SLC7A14: variants seen among roughly 807,000 people sequenced by gnomAD.
SLC7A14 encodes the protein solute carrier family 7 member 14, also known as gamma-aminobutyric acid transporter SLC7A14.
SLC7A14 carries 37 observed loss-of-function variants against 60.2 expected under a neutral mutation model. The observed-to-expected ratio is 0.61, with a 90% confidence interval of 0.47 to 0.81. The LOEUF is 0.81. SLC7A14 is among the 30% of genes least tolerant of loss of function. The pLI, the probability that SLC7A14 is intolerant of heterozygous loss-of-function variation, is 0.00. For synonymous variants in SLC7A14, 399 were observed against 395.8 expected (o/e 1.01, Z -0.10); for missense variants, 886 against 982.7 (o/e 0.90, Z 1.32).
chr3:170,514,088 C>T (rs944080788), intron 2 of SLC7A14, among the ~76,000 whole-genome samples: 2 of 152,258 alleles, frequency 1.3e-5, no homozygotes, highest in African/African-American at 2.4e-5. Flanking sequence ...GGTGATCTCA[C>T]CTCCTTGCCA....
intron 1 of SLC7A14, among the ~76,000 whole-genome samples, chr3:170,531,703 G>C (rs1270837703): frequency 6.6e-6 from 1 of 152,188 alleles, no homozygotes. Flanking sequence ...ATCAAATATA[G>C]TTTTGGAAGC....
intron 1 of SLC7A14, among the ~76,000 whole-genome samples, chr3:170,576,191 T>C (rs1294394098): frequency 6.6e-6 from 1 of 152,268 alleles, no homozygotes; most frequent in Non-Finnish European, 1.5e-5. Context: ...ATGTGTCATG[T>C]TGCATACATA....
intron 1 of SLC7A14, among the ~76,000 whole-genome samples, chr3:170,579,563 A>G (rs1186151907): frequency 6.6e-6 from 1 of 152,266 alleles, no homozygotes; most frequent in Non-Finnish European, 1.5e-5. Flanking sequence ...TTGCTAGAAT[A>G]GAATGAGCTG....
At chr3:170,485,083 C>T (rs558251402) in intron 5 of SLC7A14, among the ~76,000 whole-genome samples, 2 of 152,228 alleles carry the variant, frequency 1.3e-5, no homozygotes, top group South Asian at 4.2e-4. Flanking sequence ...CCTTGCTGTT[C>T]CTTCTGCCCC....
intron 1 of SLC7A14, among the ~76,000 whole-genome samples, chr3:170,548,800 G>A (rs1222570717): frequency 6.6e-6 from 1 of 152,212 alleles, no homozygotes; most frequent in Non-Finnish European, 1.5e-5. Flanking sequence ...CTGTGAATGA[G>A]TTTAGATCCT....
intron 2 of SLC7A14, among the ~76,000 whole-genome samples, chr3:170,507,144 T>C (rs1160331637): frequency 2.0e-5 from 3 of 152,240 alleles, no homozygotes; most frequent in Non-Finnish European, 2.9e-5. Context: ...ATGTAACTTA[T>C]CTTACTTTGA....
intron 1 of SLC7A14, among the ~76,000 whole-genome samples, chr3:170,562,649 A>T (rs1714686200): frequency 6.6e-6 from 1 of 152,176 alleles, no homozygotes. Context: ...ATTAAAAATT[A>T]AAAAAATATA....
chr3:170,497,021 G>C (rs943151903), intron 4 of SLC7A14, among the ~76,000 whole-genome samples: 2 of 150,526 alleles, frequency 1.3e-5, no homozygotes, highest in African/African-American at 4.9e-5. Flanking sequence ...CACGCGCGGG[G>C]GAGTTTACTG....
chr3:170,490,924 G>A (rs1454271117), intron 4 of SLC7A14, among the ~76,000 whole-genome samples: 1 of 152,150 alleles, frequency 6.6e-6, no homozygotes, highest in African/African-American at 2.4e-5. Flanking sequence ...CTTACCACCA[G>A]TATTATTATT....
In SLC7A14 at chr3:170,526,637, T is replaced by A; in HGVS notation, c.300A>T (p.Leu100Phe). 1 of 1,613,858 alleles carries A rather than the reference T, an allele frequency of 6.2e-7. No homozygotes were observed. Among genetic ancestry groups the A allele is most frequent in the East Asian group, 2.2e-5 (1 of 44,866 alleles). ...SFIIAAVASI[L>F]SGVCYAEFGV... ...TCCCTGCATGGAGACACTTACCTGA[T>A]AATATGGATGCGACGGCTGCAATGA... Residue 100 changes from leucine to phenylalanine, a missense_variant, in exon 2 of 8, where the codon TTA becomes TTT. Physicochemically the swap from Leu to Phe is conservative, Grantham distance 22. Coordinates refer to ENST00000231706, the MANE Select transcript of SLC7A14 (RefSeq NM_020949.3).
intron 1 of SLC7A14, among the ~76,000 whole-genome samples, chr3:170,542,004 C>G (rs56149545): frequency 6.6e-6 from 1 of 152,120 alleles, no homozygotes; most frequent in Non-Finnish European, 1.5e-5. Context: ...TTACGGTGAA[C>G]TGTTTTAGGG....
chr3:170,511,609 A>G (rs1478218678), intron 2 of SLC7A14, among the ~76,000 whole-genome samples: 2 of 152,162 alleles, frequency 1.3e-5, no homozygotes, highest in African/African-American at 4.8e-5. Context: ...TTATTCATTG[A>G]CGAGGAAGAG....
At chr3:170,510,128 G>A (rs1188726662) in intron 2 of SLC7A14, among the ~76,000 whole-genome samples, 2 of 146,694 alleles carry the variant, frequency 1.4e-5, no homozygotes, top group South Asian at 2.2e-4. Flanking sequence ...GGTGACTCAC[G>A]CCTGTAATCC....
chr3:170,492,136 T>G (rs914434663), intron 4 of SLC7A14, among the ~76,000 whole-genome samples: 1 of 152,176 alleles, frequency 6.6e-6, no homozygotes. Context: ...TCTATCCAGA[T>G]CTCAGATCTG....
At chr3:170,548,616 A>G (rs979162756) in intron 1 of SLC7A14, among the ~76,000 whole-genome samples, 1 of 152,242 alleles carries the variant, frequency 6.6e-6, no homozygotes, top group Non-Finnish European at 1.5e-5. Context: ...TTAACAAAAT[A>G]AAAGCACAGA....
At chr3:170,476,992 C>T (rs982857890) in intron 7 of SLC7A14, 1 of 152,214 alleles carries the variant, frequency 6.6e-6, no homozygotes, top group African/African-American at 2.4e-5. Flanking sequence ...TGGGTCCTCT[C>T]GTTCAGAAAT....
intron 7 of SLC7A14, among the ~76,000 whole-genome samples, chr3:170,471,717 A>T (rs1990805): frequency 6.6e-6 from 1 of 152,080 alleles, no homozygotes. Context: ...AGGGCAATCT[A>T]ATATCTTTTG....
At chr3:170,508,744 C>T (rs921162272) in intron 2 of SLC7A14, among the ~76,000 whole-genome samples, 29 of 152,162 alleles carry the variant, frequency 1.9e-4, no homozygotes, top group Non-Finnish European at 4.4e-5. Context: ...GCAGCCGCAG[C>T]GGGGCTAAGG....
chr3:170,506,151 C>T (rs1375311866), intron 2 of SLC7A14, among the ~76,000 whole-genome samples: 1 of 152,150 alleles, frequency 6.6e-6, no homozygotes, highest in African/African-American at 2.4e-5. Context: ...CTGCATGCTG[C>T]AGACCACATG....
Sources: gnomAD v4.1 joint callset for allele counts (sites outside exome capture counted in the v4.1 genomes callset) on GRCh38, gnomAD v4.1.1 for gene constraint, MANE v1.5 for transcripts, NCBI Gene and HGNC (gene_info 2026-07-23, HGNC 2026-07-21) for gene names.